Variants in GRM5 observed in about 807,000 individuals in gnomAD.
GRM5 encodes metabotropic glutamate receptor 5.
A neutral mutation model predicts 83.1 loss-of-function variants in GRM5; 19 were observed. That is an observed-to-expected ratio of 0.23 (90% CI 0.16 to 0.34). The LOEUF is 0.34. Among genes scored for constraint, GRM5 ranks in the 10% least tolerant of loss-of-function variants. GRM5 has a pLI of 1.00. For missense variants in GRM5, 1,160 were observed against 1,588.3 expected, an observed-to-expected ratio of 0.73 and a Z score of 4.58; for synonymous variants, 675 against 633.6, an observed-to-expected ratio of 1.07 and a Z score of -0.98.
intron 4 of GRM5, among the ~76,000 whole-genome samples, chr11:88,638,626 T>C (rs1257461451): frequency 2.0e-5 from 3 of 152,132 alleles, no homozygotes; most frequent in East Asian, 3.8e-4. Flanking sequence ...GGAGTTTTCT[T>C]TGTGGGAAAA....
intron 4 of GRM5, among the ~76,000 whole-genome samples, chr11:88,633,104 A>G (rs1939023079): frequency 6.6e-6 from 1 of 152,222 alleles, no homozygotes; most frequent in South Asian, 2.1e-4. Flanking sequence ...AATCATTAGG[A>G]AAGTGAACAT....
intron 2 of GRM5, among the ~76,000 whole-genome samples, chr11:88,982,087 G>C (rs189886079): frequency 6.6e-6 from 1 of 152,136 alleles, no homozygotes; most frequent in Non-Finnish European, 1.5e-5. Context: ...TTGGTATTGG[G>C]TAACCAATAT....
At chr11:89,052,808 A>T (rs1941788363) in intron 1 of GRM5, among the ~76,000 whole-genome samples, 1 of 152,216 alleles carries the variant, frequency 6.6e-6, no homozygotes, top group Non-Finnish European at 1.5e-5. Flanking sequence ...ATGAGTACTC[A>T]AACATGCTGC....
chr11:88,512,353 G>A lies in GRM5; in HGVS notation c.2727-2849C>T, dbSNP rs866750600. Reference sequence around the variant, plus strand: ...CCAGAGAAATGGAGTCCAAATGTGAGTACTTCATTTCATTCTTTTGAACAT... The same window carrying A: ...CCAGAGAAATGGAGTCCAAATGTGAATACTTCATTTCATTCTTTTGAACAT... On this transcript the variant is annotated intron_variant, in intron 9 of 9. Coordinates refer to ENST00000305447, the MANE Select transcript of GRM5 (RefSeq NM_001143831.3). 9.1e-5 allele frequency: 14 copies of A among 154,252 alleles called. 1 individual carries two copies. The Middle Eastern group carries it at 4.1e-3, about 45-fold the overall frequency. 9.6% of individuals were successfully genotyped at this position (154,252 alleles called of 1,614,324 possible).
chr11:88,706,575 T>C (rs1044630059), intron 3 of GRM5, among the ~76,000 whole-genome samples: 1 of 152,128 alleles, frequency 6.6e-6, no homozygotes, highest in African/African-American at 2.4e-5. Context: ...TGGAAGGTGC[T>C]ATTAATAATT....
intron 3 of GRM5, among the ~76,000 whole-genome samples, chr11:88,800,452 T>A (rs1943368402): frequency 6.6e-6 from 1 of 152,062 alleles, no homozygotes; most frequent in Admixed American, 6.6e-5. Context: ...CAAAACAATA[T>A]CAAAATTTTT....
intron 2 of GRM5, among the ~76,000 whole-genome samples, chr11:88,924,115 C>T (rs1378233888): frequency 7.2e-6 from 1 of 137,966 alleles, no homozygotes; most frequent in East Asian, 2.1e-4. Context: ...CACCTCACAC[C>T]TGTTAGTATA....
intron 7 of GRM5, among the ~76,000 whole-genome samples, chr11:88,572,850 G>A (rs542896108): frequency 5.3e-5 from 8 of 152,080 alleles, no homozygotes; most frequent in East Asian, 1.9e-4. Flanking sequence ...AGTCTAAAGC[G>A]CATATAATGT....
chr11:88,885,654 G>A (rs1404067534), intron 2 of GRM5, among the ~76,000 whole-genome samples: 11 of 151,520 alleles, frequency 7.3e-5, no homozygotes, highest in Non-Finnish European at 2.9e-5. Context: ...AAACCAAAGA[G>A]GCAATATGCA....
At chr11:88,698,416 G>A (rs773003365) in intron 3 of GRM5, among the ~76,000 whole-genome samples, 2 of 152,126 alleles carry the variant, frequency 1.3e-5, no homozygotes, top group Non-Finnish European at 2.9e-5. Flanking sequence ...CACTCTTAGT[G>A]CTTCTTATAT....
chr11:88,699,919 A>G (rs900908910), intron 3 of GRM5, among the ~76,000 whole-genome samples: 4 of 152,198 alleles, frequency 2.6e-5, no homozygotes, highest in Admixed American at 6.6e-5. Flanking sequence ...GTGTATGTTT[A>G]TAGCAAAAGA....
At chr11:88,556,754 G>C (rs1229644323) in intron 8 of GRM5, among the ~76,000 whole-genome samples, 1 of 152,084 alleles carries the variant, frequency 6.6e-6, no homozygotes, top group Non-Finnish European at 1.5e-5. Context: ...GCTTATAAAT[G>C]TCAAAGTCAG....
chr11:88,798,820 A>AAAAAAAAAAAAAAC (rs1555017418), intron 3 of GRM5, among the ~76,000 whole-genome samples: 28 of 136,270 alleles, frequency 2.1e-4, no homozygotes, highest in African/African-American at 3.6e-4. Flanking sequence ...AAAAAAAAAA[A>AAAAAAAAAAAAAAC]AAAAAAACAA....
At chr11:88,984,541 T>C (rs560215308) in intron 2 of GRM5, among the ~76,000 whole-genome samples, 2 of 152,282 alleles carry the variant, frequency 1.3e-5, no homozygotes, top group South Asian at 2.1e-4. Context: ...AAGTGACATA[T>C]GACTATAAAT....
At chr11:88,965,819 A>C (rs1217921302) in intron 2 of GRM5, among the ~76,000 whole-genome samples, 2 of 152,112 alleles carry the variant, frequency 1.3e-5, no homozygotes, top group African/African-American at 4.8e-5. Flanking sequence ...AGGCATCAAC[A>C]CTCCTCAGTA....
rs141548962 is a variant in GRM5 at position 88,767,479 on chromosome 11, G to T, written c.911+82427C>A. On this transcript the variant is annotated intron_variant, in intron 3 of 9. Transcript: ENST00000305447. ...GAAAATGTGGTACATGTACACCATG[G>T]AATACTATGCAGCCATACAAAAGAA... Among the ~76,000 whole-genome samples, 435 of 152,092 alleles carry T rather than the reference G, an allele frequency of 2.9e-3. 2 individuals are homozygous for T. The highest frequency in any genetic ancestry group is 9.5e-3 in the African/African-American group (395 of 41,518).
At chr11:88,637,414 GGGCTA>G (rs1939162429) in intron 4 of GRM5, among the ~76,000 whole-genome samples, 4 of 151,856 alleles carry the variant, frequency 2.6e-5, no homozygotes, top group Non-Finnish European at 5.9e-5. Flanking sequence ...ATCTGACAAA[GGGCTA>G]ATATCCAGAA....
At chr11:88,745,450 C>G (rs1387746503) in intron 3 of GRM5, among the ~76,000 whole-genome samples, 1 of 152,084 alleles carries the variant, frequency 6.6e-6, no homozygotes, top group Non-Finnish European at 1.5e-5. Flanking sequence ...AAGCTATCCA[C>G]CTGTCTCAGC....
chr11:88,591,261 G>T (rs923069590), intron 6 of GRM5, among the ~76,000 whole-genome samples: 1 of 152,180 alleles, frequency 6.6e-6, no homozygotes, highest in Non-Finnish European at 1.5e-5. Context: ...TTTTCCTGGA[G>T]ATGATCTCTT....
Sources: gnomAD v4.1 joint callset for allele counts (sites outside exome capture counted in the v4.1 genomes callset) on GRCh38, gnomAD v4.1.1 for gene constraint, MANE v1.5 for transcripts, NCBI Gene and HGNC (gene_info 2026-07-23, HGNC 2026-07-21) for gene names.